Variants in DYNC2H1 observed in about 807,000 individuals in gnomAD.
DYNC2H1 encodes the protein cytoplasmic dynein 2 heavy chain 1.
A neutral mutation model predicts 570.0 loss-of-function variants in DYNC2H1; 410 were observed. The observed-to-expected ratio is 0.72, with a 90% CI of 0.66 to 0.78. The LOEUF (loss-of-function observed/expected upper bound fraction) is 0.78, where lower values mean the gene tolerates loss of function less well. Ranked by LOEUF, DYNC2H1 falls within the 30% of genes least tolerant of loss-of-function variation. The pLI, the probability that DYNC2H1 is intolerant of heterozygous loss-of-function variation, is 0.00. For missense variants in DYNC2H1, 4,865 were observed against 5,046.4 expected (o/e 0.96, Z 1.09); for synonymous variants, 1,688 against 1,677.6 (o/e 1.01, Z -0.15).
At chr11:103,265,374 A>C (rs1217954311) in intron 70 of DYNC2H1, among the ~76,000 whole-genome samples, 2 of 152,192 alleles carry the variant, frequency 1.3e-5, no homozygotes, top group African/African-American at 4.8e-5. Flanking sequence ...AACTTAAGTA[A>C]AATTTTAAAA....
intron 84 of DYNC2H1, among the ~76,000 whole-genome samples, chr11:103,400,098 G>A (rs1432771795): frequency 6.6e-6 from 1 of 152,176 alleles, no homozygotes; most frequent in African/African-American, 2.4e-5. Context: ...GTCAGTTTAT[G>A]TTAGCTATCT....
chr11:103,296,201 G>A (rs1280292028), intron 75 of DYNC2H1, among the ~76,000 whole-genome samples: 1 of 152,064 alleles, frequency 6.6e-6, no homozygotes, highest in African/African-American at 2.4e-5. Flanking sequence ...TTGTATGAAG[G>A]TATTTTCTTG....
At position 103,411,973 on chromosome 11, in the gene DYNC2H1, G is replaced by A. The variant is rs569396052; in HGVS notation, c.12366+12101G>A. The stretch of plus-strand genomic sequence containing the variant: ...GTTTTACAAAGCATGTTTAAATTCT[G>A]TCACAGGTGGTATTCTTAGAAATCG... On this transcript the variant is annotated intron_variant, in intron 84 of 88. Transcript: ENST00000375735. Among the ~76,000 whole-genome samples the A allele has an allele frequency of 3.9e-5, 6 of 152,182 alleles. No homozygotes were observed. In the East Asian group the frequency reaches 7.7e-4, roughly 20 times the overall value.
chr11:103,119,152 G>C (rs1228348512), intron 6 of DYNC2H1, among the ~76,000 whole-genome samples: 2 of 152,222 alleles, frequency 1.3e-5, no homozygotes, highest in East Asian at 3.9e-4. Flanking sequence ...TAGTGTCATA[G>C]TAAGTTCCAT....
intron 88 of DYNC2H1, among the ~76,000 whole-genome samples, chr11:103,469,581 T>G (rs998089083): frequency 6.6e-5 from 10 of 152,120 alleles, no homozygotes; most frequent in African/African-American, 2.2e-4. Flanking sequence ...TTAAGGAAAA[T>G]CTTAAAAAGC....
At position 103,199,531 on chromosome 11, in the gene DYNC2H1, C is replaced by T; in HGVS notation, c.8088+55C>T. 1.4e-6 allele frequency: 2 copies of T among 1,414,328 alleles called. No homozygotes were observed. The highest frequency in any genetic ancestry group is 1.9e-5 in the South Asian group (1 of 53,452). The allele number at this position is 1,414,328 out of a possible 1,614,324, so 87.6% of individuals were successfully genotyped here. A position where few individuals can be genotyped will look rare whatever the true frequency, so the allele number is the denominator to read the frequency against. On this transcript the variant is annotated intron_variant, in intron 49 of 88. Coordinates refer to ENST00000375735, the MANE Select transcript of DYNC2H1 (RefSeq NM_001377.3). The surrounding 1 kb of genome is among the most constrained non-coding windows in gnomAD (Gnocchi z 4.6). ...TGGTTTTAAATTACATTGGTTATTA[C>T]TCTAAACATCTTTAAAGACCTAAAG...
At chr11:103,213,422 A>G (rs558755020) in intron 54 of DYNC2H1, among the ~76,000 whole-genome samples, 2 of 152,038 alleles carry the variant, frequency 1.3e-5, no homozygotes, top group South Asian at 4.2e-4. Flanking sequence ...AAACTATCAA[A>G]TATGTATTTA....
rs1427401703 is a variant in DYNC2H1 at position 103,129,690 on chromosome 11, A to G, written c.1953+685A>G. 6.6e-6 allele frequency among the ~76,000 whole-genome samples: 1 copy of G among 152,174 alleles called. No individual in the cohort carries two copies. The highest frequency in any genetic ancestry group is 1.5e-5 in the Non-Finnish European group (1 of 68,020). ...CAGAGCGACTCCATCTCAAAAAAAA[A>G]GAAAAAAAAGAAAGAAAAAGAAATT... On this transcript the variant is annotated intron_variant, in intron 13 of 88. Coordinates refer to ENST00000375735, the MANE Select transcript of DYNC2H1 (RefSeq NM_001377.3). This position sits in a 1 kb window ranked among gnomAD's most constrained non-coding sequence, Gnocchi z 4.1.
intron 34 of DYNC2H1, among the ~76,000 whole-genome samples, chr11:103,171,319 G>A (rs1340196061): frequency 1.3e-5 from 2 of 151,780 alleles, no homozygotes; most frequent in Admixed American, 6.6e-5. Flanking sequence ...GCAGTGGTGT[G>A]ATCTTGGCTC....
In DYNC2H1 at chr11:103,120,905, C is replaced by T. The variant is rs979448480; in HGVS notation, c.1249-20C>T. The T allele has an allele frequency of 1.3e-5, 18 of 1,377,192 alleles. No individual in the cohort carries two copies. The highest frequency in any genetic ancestry group is 2.7e-5 in the East Asian group (1 of 37,084). The allele number at this position is 1,377,192 out of a possible 1,614,324, so 85.3% of individuals were successfully genotyped here. ...GTTGATCCGTTGGGATGAACATGTA[C>T]TTATTTTATTTTATATTAGCTTCTT... is the stretch of plus-strand genomic sequence containing the variant. On this transcript the variant is annotated intron_variant, in intron 8 of 88. Coordinates refer to ENST00000375735, the MANE Select transcript of DYNC2H1 (RefSeq NM_001377.3).
chr11:103,344,326 A>G (rs1478526969), intron 82 of DYNC2H1, among the ~76,000 whole-genome samples: 1 of 152,220 alleles, frequency 6.6e-6, no homozygotes, highest in Non-Finnish European at 1.5e-5. Flanking sequence ...AGACAGTAAC[A>G]GAAATAGTCG....
chr11:103,238,161 C>T (rs576709689), intron 63 of DYNC2H1, among the ~76,000 whole-genome samples: 2 of 152,074 alleles, frequency 1.3e-5, no homozygotes, highest in Non-Finnish European at 2.9e-5. Context: ...ATTAACATCA[C>T]CATGTACGTA....
At chr11:103,262,218 C>T (rs1452155942) in intron 70 of DYNC2H1, among the ~76,000 whole-genome samples, 1 of 152,132 alleles carries the variant, frequency 6.6e-6, no homozygotes, top group Non-Finnish European at 1.5e-5. Flanking sequence ...ACTAAATCTG[C>T]ATTTGATTGG....
At chr11:103,332,329 A>T (rs75460895) in intron 82 of DYNC2H1, among the ~76,000 whole-genome samples, 2 of 143,468 alleles carry the variant, frequency 1.4e-5, no homozygotes, top group African/African-American at 5.2e-5. Flanking sequence ...AAAAAAAAAA[A>T]ATAGAACAAA....
Position 103,135,504 on chromosome 11 carries a change from G to A in DYNC2H1, c.2215G>A (p.Ala739Thr), listed in dbSNP as rs1859488814. 2 of 1,549,566 alleles carry A rather than the reference G, an allele frequency of 1.3e-6. No homozygotes were observed. Among genetic ancestry groups the A allele is most frequent in the African/African-American group, 1.4e-5 (1 of 72,640 alleles). The change falls in exon 16 of 89, where the codon GCA becomes ACA. Residue 739 changes from alanine to threonine, a missense_variant. Coordinates refer to ENST00000375735, the MANE Select transcript of DYNC2H1 (RefSeq NM_001377.3). ...GAATGTAACATATTAGGGATTCCAA[G>A]CAAGTGACATGCATGCATGGAAACA... Reference protein sequence around the residue: ...LATVEAQGFQASDMHAWKQHW... With the variant: ...LATVEAQGFQTSDMHAWKQHW...
intron 84 of DYNC2H1, among the ~76,000 whole-genome samples, chr11:103,419,524 C>A (rs1943407242): frequency 6.6e-6 from 1 of 151,788 alleles, no homozygotes; most frequent in Admixed American, 6.6e-5. Flanking sequence ...GAGTGGACCC[C>A]CAGCAAACCA....
intron 84 of DYNC2H1, among the ~76,000 whole-genome samples, chr11:103,427,647 TTTC>T (rs1943720780): frequency 6.6e-6 from 1 of 152,062 alleles, no homozygotes; most frequent in Non-Finnish European, 1.5e-5. Context: ...ATAGCCATCT[TTTC>T]CTTGTATCTT....
Position 103,243,725 on chromosome 11 carries a change from T to G in DYNC2H1, c.9852T>G (p.Ser3284=), listed in dbSNP as rs1470547842. 6.2e-7 allele frequency: 1 copy of G among 1,606,726 alleles called. No individual in the cohort carries two copies. The highest frequency in any genetic ancestry group is 1.7e-5 in the Admixed American group (1 of 59,328). ...SRVCPFLIDP[S]SQATEWLKTH... is the part of the protein sequence containing the mutation. ...TGTGCCCATTTCTTATAGATCCTTCTTCCCAAGCTACAGAGTGGTTAAAAA... is the reference window on the plus strand; with the variant it reads ...TGTGCCCATTTCTTATAGATCCTTCGTCCCAAGCTACAGAGTGGTTAAAAA... Residue 3284 remains serine, a synonymous_variant, in exon 64 of 89, where the codon TCT becomes TCG. Coordinates refer to ENST00000375735, the MANE Select transcript of DYNC2H1 (RefSeq NM_001377.3). This position sits in a 1 kb window ranked among gnomAD's most constrained non-coding sequence, Gnocchi z 4.8.
At chr11:103,247,789 T>C (rs190656164) in intron 65 of DYNC2H1, among the ~76,000 whole-genome samples, 1 of 152,142 alleles carries the variant, frequency 6.6e-6, no homozygotes, top group African/African-American at 2.4e-5. Flanking sequence ...GTACAGAATA[T>C]CCAATGCTAT....
Sources: gnomAD v4.1 joint callset for allele counts (sites outside exome capture counted in the v4.1 genomes callset) on GRCh38, gnomAD v4.1.1 for gene constraint, Gnocchi (gnomAD v3.1) non-coding constraint, MANE v1.5 for transcripts, NCBI Gene and HGNC (gene_info 2026-07-23, HGNC 2026-07-21) for gene names.